PAPPA: variants seen among roughly 807,000 people sequenced by gnomAD.
PAPPA encodes the protein pappalysin-1.
In PAPPA, 60 loss-of-function variants were observed where a neutral mutation model predicts 164.0. That is an observed-to-expected ratio of 0.37 (90% confidence interval 0.30 to 0.45). PAPPA has a LOEUF of 0.45. PAPPA is among the 20% of genes least tolerant of loss of function. The pLI is 1.00. For missense variants in PAPPA, 1,782 were observed against 2,087.3 expected (o/e 0.85, Z 2.85); for synonymous variants, 875 against 814.1 (o/e 1.07, Z -1.27).
intron 19 of PAPPA, chr9:116,373,764 T>C (rs565332308): frequency 6.6e-6 from 1 of 152,334 alleles, no homozygotes; most frequent in South Asian, 2.1e-4. Context: ...AAGGAGATTA[T>C]GGCGTTCAAA....
rs564316024 is a variant in PAPPA, at chr9:116,379,116, T to A, written c.4677+1469T>A. On this transcript the variant is annotated intron_variant, in intron 20 of 21. Transcript: ENST00000328252. ...CAACCAGTGTGACAGCGGAATTCAA[T>A]CCCTCCTTGGACTCAGCAGTGAGAC... is the stretch of plus-strand genomic sequence containing the variant. 1.5e-4 allele frequency among the ~76,000 whole-genome samples: 23 copies of A among 152,172 alleles called. 1 individual carries two copies. The highest frequency in any genetic ancestry group is 2.0e-4 in the Admixed American group (3 of 15,278).
At chr9:116,380,552 C>T (rs537567585) in intron 20 of PAPPA, among the ~76,000 whole-genome samples, 1 of 152,294 alleles carries the variant, frequency 6.6e-6, no homozygotes, top group East Asian at 1.9e-4. Context: ...AAGAACATAA[C>T]CCACAGGCAG....
chr9:116,211,564 T>C, intron 3 of PAPPA, 75 bp from the exon 4 acceptor site: 2 of 1,347,412 alleles, frequency 1.5e-6, no homozygotes, highest in Non-Finnish European at 2.1e-6. Flanking sequence ...CTCTTTATCC[T>C]TGATGGACTT....
intron 6 of PAPPA, among the ~76,000 whole-genome samples, chr9:116,231,385 G>C (rs1258203973): frequency 1.3e-5 from 2 of 150,910 alleles, no homozygotes; most frequent in African/African-American, 4.9e-5. Flanking sequence ...CTTTTCTTCA[G>C]CTCCTGTCCT....
intron 9 of PAPPA, among the ~76,000 whole-genome samples, chr9:116,285,023 A>G (rs1049068305): frequency 1.3e-5 from 2 of 152,086 alleles, no homozygotes; most frequent in East Asian, 1.9e-4. Context: ...TTGCTCTCCA[A>G]TTGAGAGTGT....
chr9:116,171,111 G>C (rs2118589999), intron 1 of PAPPA, among the ~76,000 whole-genome samples: 1 of 152,272 alleles, frequency 6.6e-6, no homozygotes, highest in South Asian at 2.1e-4. Context: ...TAGGTTAGCA[G>C]GTACTGGAAA....
chr9:116,353,609 C>A lies in PAPPA; in HGVS notation c.4176-13C>A, dbSNP rs1457030085. 1 of 1,611,962 alleles carries A rather than the reference C, an allele frequency of 6.2e-7. No homozygotes were observed. Among genetic ancestry groups the A allele is most frequent in the Non-Finnish European group, 8.5e-7 (1 of 1,178,920 alleles). On this transcript the variant is annotated splice_polypyrimidine_tract_variant and intron_variant, in intron 16 of 21. Coordinates refer to ENST00000328252, the MANE Select transcript of PAPPA (RefSeq NM_002581.5). ...GTCCTTGAGATGTCTCCTGTTTGAT[C>A]CTTTCCTTGAAGACGGGCCTTCAAG... is the stretch of plus-strand genomic sequence containing the variant.
At chr9:116,282,469 T>C (rs148966435) in intron 9 of PAPPA, among the ~76,000 whole-genome samples, 3,081 of 152,328 alleles carry the variant, frequency 0.02, 39 homozygotes, top group South Asian at 0.037. Flanking sequence ...ATAGTATACA[T>C]AACTCAAATT....
chr9:116,191,532 A>C (rs1844042604), intron 2 of PAPPA, among the ~76,000 whole-genome samples: 1 of 152,162 alleles, frequency 6.6e-6, no homozygotes, highest in Non-Finnish European at 1.5e-5. Flanking sequence ...TGTTGCAATG[A>C]GTTGGACATG....
chr9:116,202,980 C>T (rs1844189105), intron 2 of PAPPA, among the ~76,000 whole-genome samples: 1 of 152,158 alleles, frequency 6.6e-6, no homozygotes, highest in Admixed American at 6.5e-5. Flanking sequence ...CACAACCTCA[C>T]TGAACAGGTA....
intron 21 of PAPPA, among the ~76,000 whole-genome samples, chr9:116,386,097 C>T (rs1362664005): frequency 6.6e-6 from 1 of 152,120 alleles, no homozygotes. Context: ...TAAAACTGTA[C>T]ATGAAGTATG....
intron 6 of PAPPA, among the ~76,000 whole-genome samples, chr9:116,230,440 G>A (rs1206764277): frequency 6.6e-6 from 1 of 152,136 alleles, no homozygotes; most frequent in Non-Finnish European, 1.5e-5. Flanking sequence ...GAAAGGAGGA[G>A]GATTGGACCA....
At chr9:116,393,697 G>A (rs183204067) in intron 21 of PAPPA, among the ~76,000 whole-genome samples, 3 of 152,232 alleles carry the variant, frequency 2.0e-5, no homozygotes, top group Admixed American at 6.5e-5. Context: ...ACTGAGGGAG[G>A]TAGTGATACT....
chr9:116,376,296 G>C (rs998224541), intron 19 of PAPPA, among the ~76,000 whole-genome samples: 2 of 152,182 alleles, frequency 1.3e-5, no homozygotes, highest in South Asian at 4.1e-4. Flanking sequence ...TGAGATTACA[G>C]GCGTGAGCCA....
chr9:116,254,972 A>G (rs2118788503), intron 7 of PAPPA, among the ~76,000 whole-genome samples: 1 of 151,976 alleles, frequency 6.6e-6, no homozygotes, highest in South Asian at 2.1e-4. Context: ...TTGAGATTAT[A>G]TACTGTCACT....
At position 116,271,439 on chromosome 9, in the gene PAPPA, G is replaced by A; in HGVS notation, c.2953+23G>A. 6.5e-7 allele frequency: 1 copy of A among 1,526,918 alleles called. No individual in the cohort carries two copies. The highest frequency in any genetic ancestry group is 9.1e-7 in the Non-Finnish European group (1 of 1,100,336). The allele number at this position is 1,526,918 out of a possible 1,614,324, so 94.6% of individuals were successfully genotyped here. The stretch of plus-strand genomic sequence containing the variant: ...TTGGTACGTCTTTTTCATTTCTTGT[G>A]GCCTTCATGAAGAAATGAACGGTGC... On this transcript the variant is annotated intron_variant, in intron 9 of 21. Transcript: ENST00000328252. The surrounding 1 kb of genome is among the most constrained non-coding windows in gnomAD (Gnocchi z 4.2).
chr9:116,171,882 G>C (rs1229381186), intron 1 of PAPPA, among the ~76,000 whole-genome samples: 1 of 152,198 alleles, frequency 6.6e-6, no homozygotes, highest in East Asian at 1.9e-4. Context: ...AGTGTTATCT[G>C]AAGCAGAAGC....
rs879754783 is a variant in PAPPA, at chr9:116,397,228, C to G, written c.*612C>G. ...CTGTGATCCCCTACCTTCTAGGGAA[C>G]TAGGACCTAGGAAGAGGTAAAGATT... On this transcript the variant is annotated 3_prime_UTR_variant, in exon 22 of 22. Coordinates refer to ENST00000328252, the MANE Select transcript of PAPPA (RefSeq NM_002581.5). The G allele has an allele frequency of 1.3e-5, 2 of 152,652 alleles. No individual in the cohort carries two copies. Among genetic ancestry groups the G allele is most frequent in the Non-Finnish European group, 2.9e-5 (2 of 68,068 alleles). The allele number at this position is 152,652 out of a possible 1,614,324, so 9.5% of individuals were successfully genotyped here.
chr9:116,249,374 G>A (rs935587145), intron 7 of PAPPA, among the ~76,000 whole-genome samples: 1 of 152,136 alleles, frequency 6.6e-6, no homozygotes, highest in African/African-American at 2.4e-5. Flanking sequence ...AAGAGAGTTT[G>A]AGCAAAGAGG....
Sources: gnomAD v4.1 joint callset for allele counts (sites outside exome capture counted in the v4.1 genomes callset) on GRCh38, gnomAD v4.1.1 for gene constraint, Gnocchi (gnomAD v3.1) non-coding constraint, MANE v1.5 for transcripts, NCBI Gene and HGNC (gene_info 2026-07-23, HGNC 2026-07-21) for gene names.